The following EPN2 variants were observed in gnomAD, a reference collection of about 807,000 sequenced individuals.
EPN2 encodes the protein epsin-2.
Under a neutral mutation model 61.7 loss-of-function variants are expected in EPN2, and 34 were observed. That is an observed-to-expected ratio of 0.55 (90% confidence interval 0.42 to 0.73). The LOEUF (loss-of-function observed/expected upper bound fraction) is 0.73, where lower values mean the gene tolerates loss of function less well. Among genes scored for constraint, EPN2 ranks in the 30% least tolerant of loss-of-function variants. The pLI is 0.00. For synonymous variants in EPN2, 349 were observed against 353.6 expected, an observed-to-expected ratio of 0.99 and a Z score of 0.15; for missense variants, 714 against 839.2, an observed-to-expected ratio of 0.85 and a Z score of 1.84.
Position 19,331,939 on chromosome 17 carries a change from A to C in EPN2, c.1498A>C (p.Ser500Arg). The C allele has an allele frequency of 6.2e-7, 1 of 1,614,176 alleles. No individual in the cohort carries two copies. The highest frequency in any genetic ancestry group is 8.5e-7 in the Non-Finnish European group (1 of 1,180,026). The change falls in exon 10 of 11, where the codon AGC (serine) becomes CGC (arginine). Residue 500 changes from serine (S) to arginine (R), a missense_variant. By Grantham distance (110) the Ser-to-Arg change is moderately radical. Coordinates refer to ENST00000314728, the MANE Select transcript of EPN2 (RefSeq NM_014964.5). ...GTCTCAACCCCTGACTGTCGCCTCA[A>C]GCAAGCCCAGCAGTGCCCGGAAAAC... ...FESQPLTVAS[S>R]KPSSARKTPE... is the part of the protein sequence containing the mutation.
intron 7 of EPN2, among the ~76,000 whole-genome samples, chr17:19,319,164 C>T (rs1906530321): frequency 6.6e-6 from 1 of 151,458 alleles, no homozygotes; most frequent in African/African-American, 2.4e-5. Context: ...TGCCACTGCA[C>T]TCCAGCCTGG....
At chr17:19,312,614 C>A (rs1299173064) in intron 6 of EPN2, among the ~76,000 whole-genome samples, 2 of 152,224 alleles carry the variant, frequency 1.3e-5, no homozygotes, top group African/African-American at 2.4e-5. Flanking sequence ...CACCACAGGC[C>A]CCGGGGCTCC....
At chr17:19,286,837 A>G (rs1269851383) in intron 4 of EPN2, among the ~76,000 whole-genome samples, 4 of 152,224 alleles carry the variant, frequency 2.6e-5, no homozygotes. Context: ...AAGGAAGGCC[A>G]GCTCTGCACT....
intron 4 of EPN2, chr17:19,305,988 A>G (rs930591720): frequency 6.6e-6 from 1 of 152,192 alleles, no homozygotes; most frequent in Non-Finnish European, 1.5e-5. Flanking sequence ...GAGCTCTTCC[A>G]GTGGGGTTCA....
Position 19,331,989 on chromosome 17 carries a change from C to A in EPN2, c.1548C>A (p.Asn516Lys), listed in dbSNP as rs115591033. Reference protein sequence around the residue: ...RKTPESFLGPNAALVNLDSLV... With the variant: ...RKTPESFLGPKAALVNLDSLV... ...CACCTGAGTCCTTCCTGGGCCCCAA[C>A]GCGGCCCTGGTGAACCTGGACTCAC... is the stretch of plus-strand genomic sequence containing the variant. Residue 516 changes from asparagine to lysine, a missense_variant, in exon 10 of 11, where the codon AAC (asparagine) becomes AAA (lysine). Asn to Lys is a moderately conservative substitution (Grantham distance 94, BLOSUM62 0). Transcript: ENST00000314728. The A allele has an allele frequency of 1.9e-6, 3 of 1,614,056 alleles. No individual in the cohort carries two copies. The highest frequency in any genetic ancestry group is 2.2e-5 in the South Asian group (2 of 91,072).
chr17:19,310,500 T>G (rs993790997), intron 5 of EPN2, among the ~76,000 whole-genome samples: 11 of 152,074 alleles, frequency 7.2e-5, no homozygotes, highest in Non-Finnish European at 1.5e-4. Flanking sequence ...GTATGTATAG[T>G]TTTAGTTTTT....
intron 7 of EPN2, among the ~76,000 whole-genome samples, chr17:19,321,015 G>A (rs539079033): frequency 1.3e-5 from 2 of 152,198 alleles, no homozygotes; most frequent in Non-Finnish European, 2.9e-5. Flanking sequence ...TGGAGCACAT[G>A]CTTTGGCAAG....
At chr17:19,322,836 A>G (rs1264864045) in intron 7 of EPN2, among the ~76,000 whole-genome samples, 2 of 152,012 alleles carry the variant, frequency 1.3e-5, no homozygotes, top group Non-Finnish European at 2.9e-5. Context: ...ATGAAGCTAC[A>G]TGTAGGATGC....
At chr17:19,321,994 C>T (rs973591733) in intron 7 of EPN2, among the ~76,000 whole-genome samples, 2 of 152,188 alleles carry the variant, frequency 1.3e-5, no homozygotes, top group African/African-American at 4.8e-5. Context: ...GAGGGCTTGT[C>T]TCTACAGTGT....
intron 1 of EPN2, among the ~76,000 whole-genome samples, chr17:19,251,288 G>A (rs2045012280): frequency 6.6e-6 from 1 of 152,168 alleles, no homozygotes; most frequent in South Asian, 2.1e-4. Flanking sequence ...CAATCACAGT[G>A]TCAGCTTCTT....
Position 19,285,807 on chromosome 17 carries a change from C to CT in EPN2, c.766+23dup. The stretch of plus-strand genomic sequence containing the variant: ...CAGCCCGAGGTGGGACGGCGGTTTG[C>CT]TTTTTTCCTTACTAGAAATGCTGGG... On this transcript the variant is annotated intron_variant, in intron 4 of 10. Coordinates refer to ENST00000314728, the MANE Select transcript of EPN2 (RefSeq NM_014964.5). The surrounding 1 kb of genome is among the most constrained non-coding windows in gnomAD (Gnocchi z 4.5). 1 of 1,556,724 alleles carries CT rather than the reference C, an allele frequency of 6.4e-7. No homozygotes were observed. Among genetic ancestry groups the CT allele is most frequent in the Non-Finnish European group, 8.7e-7 (1 of 1,147,410 alleles).
At chr17:19,313,324 G>C in intron 7 of EPN2, 45 bp downstream of exon 7, 1 of 1,484,950 alleles carries the variant, frequency 6.7e-7, no homozygotes. Context: ...TGCTGGATGG[G>C]TGAGGGGCAG....
chr17:19,265,586 G>C (rs1327233862), intron 1 of EPN2, among the ~76,000 whole-genome samples: 3 of 152,116 alleles, frequency 2.0e-5, no homozygotes, highest in Admixed American at 6.5e-5. Context: ...CCCTTTCTTG[G>C]ACTTGGCCGA....
chr17:19,265,282 G>T (rs2045184014), intron 1 of EPN2, among the ~76,000 whole-genome samples: 1 of 151,480 alleles, frequency 6.6e-6, no homozygotes, highest in East Asian at 1.9e-4. Context: ...GGAGACTGAG[G>T]TAAGAGAATC....
intron 6 of EPN2, among the ~76,000 whole-genome samples, chr17:19,312,456 G>A (rs578049874): frequency 8.5e-5 from 13 of 152,218 alleles, no homozygotes; most frequent in African/African-American, 2.7e-4. Flanking sequence ...GCTGCGGAAC[G>A]CTTTCCTGCA....
chr17:19,322,258 C>T (rs779106284), intron 7 of EPN2, among the ~76,000 whole-genome samples: 11 of 152,114 alleles, frequency 7.2e-5, no homozygotes, highest in African/African-American at 1.2e-4. Context: ...CATGAGGAAA[C>T]GAAAGGCACA....
At chr17:19,251,426 T>C (rs2045013931) in intron 1 of EPN2, among the ~76,000 whole-genome samples, 1 of 152,138 alleles carries the variant, frequency 6.6e-6, no homozygotes, top group Non-Finnish European at 1.5e-5. Context: ...GGAAGATCCC[T>C]GAGTTTGCAG....
intron 4 of EPN2, among the ~76,000 whole-genome samples, chr17:19,307,002 C>G (rs1465935419): frequency 6.6e-6 from 1 of 152,104 alleles, no homozygotes; most frequent in East Asian, 1.9e-4. Flanking sequence ...AGAAGAGTCC[C>G]CAGGAACTGT....
intron 1 of EPN2, among the ~76,000 whole-genome samples, chr17:19,262,130 T>C (rs2045147981): frequency 6.6e-6 from 1 of 151,682 alleles, no homozygotes; most frequent in Non-Finnish European, 1.5e-5. Context: ...GAGGTTGCAA[T>C]GAGCTGAGAT....
Sources: allele counts gnomAD v4.1 joint callset (sites outside exome capture counted in the v4.1 genomes callset), GRCh38; gene constraint gnomAD v4.1.1; non-coding constraint Gnocchi (gnomAD v3.1); transcripts MANE v1.5; gene names NCBI Gene and HGNC (gene_info 2026-07-23, HGNC 2026-07-21).